Variants in MUC22 observed in about 807,000 individuals in gnomAD.
MUC22 encodes the protein mucin 22, also known as mucin-22.
A neutral mutation model predicts 40.3 loss-of-function variants in MUC22; 24 were observed. The observed-to-expected ratio is 0.60, with a 90% CI of 0.43 to 0.84. The LOEUF is 0.84. Ranked by LOEUF, MUC22 falls within the 40% of genes least tolerant of loss-of-function variation. The probability of loss-of-function intolerance (pLI) is 0.00; values close to 1 mark genes in which losing one functional copy is unlikely to be tolerated. For missense variants in MUC22, 1,926 were observed against 2,130.7 expected (o/e 0.90, Z 1.89); for synonymous variants, 765 against 844.5 (o/e 0.91, Z 1.63).
intron 3 of MUC22, among the ~76,000 whole-genome samples, chr6:31,033,629 G>A (rs1243508366): frequency 5.9e-5 from 9 of 152,222 alleles, no homozygotes; most frequent in Non-Finnish European, 1.0e-4. Flanking sequence ...GTGGTGTGCT[G>A]GAGCTGGCTC....
chr6:31,018,261 G>C (rs2894176), intron 1 of MUC22, among the ~76,000 whole-genome samples: 67,753 of 151,952 alleles, frequency 0.45, 15,316 homozygotes, highest in East Asian at 0.54. Context: ...TCATCCAAGT[G>C]CTTGAGTGGA....
At chr6:31,021,110 C>G (rs970297770) in intron 1 of MUC22, among the ~76,000 whole-genome samples, 14 of 152,260 alleles carry the variant, frequency 9.2e-5, no homozygotes, top group Non-Finnish European at 1.9e-4. Flanking sequence ...ACTGTGAGCG[C>G]ATGGCGTAGG....
intron 1 of MUC22, among the ~76,000 whole-genome samples, chr6:31,013,604 A>G (rs898136491): frequency 7.9e-5 from 12 of 152,138 alleles, no homozygotes; most frequent in East Asian, 1.9e-4. Flanking sequence ...CCTTGCCCCA[A>G]TTGCTTCTTA....
chr6:31,022,437 G>A lies in MUC22; in HGVS notation c.71-3065G>A, dbSNP rs546864726. Among the ~76,000 whole-genome samples the A allele has an allele frequency of 5.5e-4, 83 of 151,992 alleles. 1 individual carries two copies. Among genetic ancestry groups the A allele is most frequent in the Admixed American group, 9.8e-4 (15 of 15,268 alleles). ...TTCCCAAAATGCTGGGATTACAGGC[G>A]TGAATCGACAGGCAAGACTGACATT... On this transcript the variant is annotated intron_variant, in intron 1 of 3. Coordinates refer to ENST00000561890, the Ensembl canonical transcript of MUC22.
chr6:31,014,336 C>CT (rs1188679547), intron 1 of MUC22, among the ~76,000 whole-genome samples: 2 of 152,048 alleles, frequency 1.3e-5, no homozygotes, highest in African/African-American at 4.8e-5. Context: ...ATCAGTTTCA[C>CT]TTTTTTCCCT....
intron 2 of MUC22, among the ~76,000 whole-genome samples, chr6:31,031,325 T>C (rs74340554): frequency 0.13 from 19,000 of 151,992 alleles, 1,276 homozygotes; most frequent in Middle Eastern, 0.19. Flanking sequence ...CCTTTGCTGA[T>C]CACCACAGTG....
intron 1 of MUC22, among the ~76,000 whole-genome samples, chr6:31,020,862 C>A (rs9262509): frequency 1.3e-5 from 2 of 152,118 alleles, no homozygotes; most frequent in East Asian, 3.9e-4. Flanking sequence ...GCTTAGCACC[C>A]GGGCCAGTGG....
chr6:31,017,193 C>T (rs985562071), intron 1 of MUC22, among the ~76,000 whole-genome samples: 4 of 152,212 alleles, frequency 2.6e-5, no homozygotes, highest in South Asian at 2.1e-4. Context: ...TGGCGCACGG[C>T]GTGGGACTGA....
At chr6:31,017,010 T>C (rs9262475) in intron 1 of MUC22, among the ~76,000 whole-genome samples, 22,084 of 152,168 alleles carry the variant, frequency 0.15, 1,762 homozygotes, top group African/African-American at 0.19. Context: ...GCTCCAATTC[T>C]CGCCGGACCT....
rs1253312072 is a variant in MUC22 at position 31,032,949 on chromosome 6, T to C, written c.5055+368T>C. Among the ~76,000 whole-genome samples the C allele has an allele frequency of 1.3e-5, 2 of 152,152 alleles. No homozygotes were observed. The highest frequency in any genetic ancestry group is 4.8e-5 in the African/African-American group (2 of 41,442). On this transcript the variant is annotated intron_variant, in intron 3 of 3. Transcript: ENST00000561890. This position sits in a 1 kb window ranked among gnomAD's most constrained non-coding sequence, Gnocchi z 4.1. Reference sequence around the variant, plus strand: ...GGAAGGCCAAGGAGGGCGGATCACTTGAGTCCAGGCATTTGAGACCAGCCT... The same window carrying C: ...GGAAGGCCAAGGAGGGCGGATCACTCGAGTCCAGGCATTTGAGACCAGCCT...
At chr6:31,034,691 T>C (rs766241852) in exon 4 of MUC22, 45 of 1,529,240 alleles carry the variant, frequency 2.9e-5, no homozygotes, top group African/African-American at 8.2e-5. Context: ...TTCTTCCCCC[T>C]GAGATATTGT....
intron 1 of MUC22, among the ~76,000 whole-genome samples, chr6:31,023,177 A>AAAAAGT (rs530112143): frequency 7.7e-6 from 1 of 129,838 alleles, no homozygotes. Flanking sequence ...AAAAAAAAAA[A>AAAAAGT]AGGCGAAAAA....
At chr6:31,007,014 G>A (rs1470398525), upstream of MUC22, among the ~76,000 whole-genome samples, 2 of 152,098 alleles carry the variant, frequency 1.3e-5, no homozygotes, top group African/African-American at 4.8e-5. The surrounding 1 kb of genome is among the most constrained non-coding windows in gnomAD (Gnocchi z 4.0). Context: ...TTAAAAAAAG[G>A]ATAATGATGA....
chr6:31,029,945 C>T, exon 2 of MUC22: 1 of 1,516,890 alleles, frequency 6.6e-7, no homozygotes, highest in Non-Finnish European at 8.8e-7. Context: ...AGCTTGGAGC[C>T]CACTGCAACT....
chr6:31,019,322 G>A (rs1220342269), intron 1 of MUC22, among the ~76,000 whole-genome samples: 3 of 152,180 alleles, frequency 2.0e-5, no homozygotes, highest in African/African-American at 4.8e-5. Flanking sequence ...CCACTGAAAG[G>A]TATCTCCCCT....
At chr6:31,028,194 A>G in exon 2 of MUC22, 2 of 1,534,398 alleles carry the variant, frequency 1.3e-6, no homozygotes, top group Non-Finnish European at 1.7e-6. Flanking sequence ...CCTCTACTGA[A>G]GGCTCTGAGA....
Position 31,032,694 on chromosome 6 carries a change from C to T in MUC22, c.5055+113C>T, listed in dbSNP as rs1021888514. On this transcript the variant is annotated intron_variant, in intron 3 of 3. Coordinates refer to ENST00000561890, the Ensembl canonical transcript of MUC22. This position sits in a 1 kb window ranked among gnomAD's most constrained non-coding sequence, Gnocchi z 4.1. Reference sequence around the variant, plus strand: ...AGAAAGGGGAGTAAGTTGGTGCGCTCAGAAGGAAAGAATCACCTAGCCTGA... The same window carrying T: ...AGAAAGGGGAGTAAGTTGGTGCGCTTAGAAGGAAAGAATCACCTAGCCTGA... 66 of 1,183,658 alleles carry T rather than the reference C, an allele frequency of 5.6e-5. No individual in the cohort carries two copies. The South Asian group carries it at 7.7e-4, about 14-fold the overall frequency. The allele number at this position is 1,183,658 out of a possible 1,614,324, so 73.3% of individuals were successfully genotyped here.
intron 1 of MUC22, among the ~76,000 whole-genome samples, chr6:31,022,789 A>G (rs1222474938): frequency 1.4e-5 from 2 of 146,964 alleles, no homozygotes; most frequent in Admixed American, 6.9e-5. Context: ...AGGCACACAA[A>G]TAAGAATGAT....
intron 3 of MUC22, 149 bp from the exon 4 acceptor site, chr6:31,034,523 A>G: frequency 1.5e-6 from 1 of 655,728 alleles, no homozygotes; most frequent in Non-Finnish European, 2.6e-6. Context: ...AGACAGAGAC[A>G]GAGATCATAG....
Sources: gnomAD v4.1 joint callset for allele counts (sites outside exome capture counted in the v4.1 genomes callset) on GRCh38, gnomAD v4.1.1 for gene constraint, Gnocchi (gnomAD v3.1) non-coding constraint, MANE v1.5 for transcripts, NCBI Gene and HGNC (gene_info 2026-07-23, HGNC 2026-07-21) for gene names.